Variants in RBL2 observed in about 807,000 individuals in gnomAD.
The protein encoded by RBL2 is retinoblastoma-like protein 2.
A neutral mutation model predicts 126.0 loss-of-function variants in RBL2; 56 were observed. That is an observed-to-expected ratio of 0.44 (90% CI 0.36 to 0.56). The LOEUF is 0.56. RBL2 is among the 20% of genes least tolerant of loss of function. RBL2 has a pLI of 0.00. For missense variants in RBL2, 1,229 were observed against 1,398.2 expected, an observed-to-expected ratio of 0.88 and a Z score of 1.93; for synonymous variants, 454 against 478.5, an observed-to-expected ratio of 0.95 and a Z score of 0.67.
At chr16:53,456,848 C>T (rs1344959046) in intron 8 of RBL2, among the ~76,000 whole-genome samples, 7 of 152,316 alleles carry the variant, frequency 4.6e-5, no homozygotes, top group Admixed American at 2.0e-4. Context: ...CTCCCCAACC[C>T]TCAGGACTTC....
At chr16:53,487,039 T>G (rs1406971952) in intron 21 of RBL2, among the ~76,000 whole-genome samples, 1 of 152,152 alleles carries the variant, frequency 6.6e-6, no homozygotes, top group African/African-American at 2.4e-5. Context: ...TGAGAGAAAT[T>G]AAAGCCTGAG....
Position 53,453,491 on chromosome 16 carries a change from C to T in RBL2, c.806C>T (p.Ser269Phe), listed in dbSNP as rs1187534313. 6.2e-7 allele frequency: 1 copy of T among 1,613,338 alleles called. No individual in the cohort carries two copies. Among genetic ancestry groups the T allele is most frequent in the African/African-American group, 1.3e-5 (1 of 74,998 alleles). The change falls in exon 6 of 22, where the codon TCC becomes TTC. Residue 269 changes from serine to phenylalanine, a missense_variant. By Grantham distance (155) the Ser-to-Phe change is radical. Transcript: ENST00000262133. ...EDFHAKDSKP[S>F]SDPPCIIEKL... ...TTTCATGCTAAAGATTCTAAACCTTCCTCTGACCCCCCTTGTATCATTGAG... is the reference window on the plus strand; with the variant it reads ...TTTCATGCTAAAGATTCTAAACCTTTCTCTGACCCCCCTTGTATCATTGAG...
intron 21 of RBL2, among the ~76,000 whole-genome samples, chr16:53,486,443 C>G (rs749247020): frequency 7.2e-5 from 11 of 152,182 alleles, no homozygotes; most frequent in Non-Finnish European, 1.3e-4. Flanking sequence ...AACCTCCTGT[C>G]AGAGAAAACT....
At chr16:53,465,799 C>CCT (rs1186551420) in intron 13 of RBL2, 197 bp downstream of exon 13, 4 of 420,068 alleles carry the variant, frequency 9.5e-6, no homozygotes, top group Non-Finnish European at 1.7e-5. Context: ...ATGACTCAGA[C>CCT]AAGTCCAGCT....
Position 53,491,258 on chromosome 16 carries a change from G to GTGA in RBL2, c.*960_*962dup, listed in dbSNP as rs946099053. 3 of 152,040 alleles carry GTGA rather than the reference G, an allele frequency of 2.0e-5. No homozygotes were observed. Among genetic ancestry groups the GTGA allele is most frequent in the African/African-American group, 7.2e-5 (3 of 41,404 alleles). The allele number at this position is 152,040 out of a possible 1,614,324, so 9.4% of individuals were successfully genotyped here. ...TTATCTAAAAGAAATGTCTATTAAG[G>GTGA]TGATATATTTAAAAATATTTTTGGG... On this transcript the variant is annotated 3_prime_UTR_variant, in exon 22 of 22. Transcript: ENST00000262133.
At chr16:53,464,592 A>C (rs1042000200) in intron 12 of RBL2, 57 of 343,770 alleles carry the variant, frequency 1.7e-4, no homozygotes, top group Admixed American at 7.7e-4. Context: ...CTCTCTATCT[A>C]ATAAAAGTTT....
Position 53,454,705 on chromosome 16 carries a change from T to G in RBL2, c.1042T>G (p.Leu348Val). ...GGAGTATGTTTTATCTGTTGGGAAT[T>G]TAGATGAGCGGATATTTCTTGGAGA... is the stretch of plus-strand genomic sequence containing the variant. ...YEEYVLSVGN[L>V]DERIFLGEDA... Residue 348 changes from leucine to valine, a missense_variant, in exon 8 of 22, where the codon TTA becomes GTA. Coordinates refer to ENST00000262133, the MANE Select transcript of RBL2 (RefSeq NM_005611.4). The G allele has an allele frequency of 6.8e-6, 11 of 1,614,086 alleles. No homozygotes were observed. Among genetic ancestry groups the G allele is most frequent in the Non-Finnish European group, 9.3e-6 (11 of 1,179,942 alleles).
rs1277036840 is a variant in RBL2 at position 53,490,547 on chromosome 16, T to A, written c.*247T>A. 8.6e-6 allele frequency: 3 copies of A among 350,264 alleles called. No homozygotes were observed. The highest frequency in any genetic ancestry group is 6.3e-5 in the African/African-American group (3 of 47,602). The allele number at this position is 350,264 out of a possible 1,614,324, so 21.7% of individuals were successfully genotyped here. A position where few individuals can be genotyped will look rare whatever the true frequency, so the allele number is the denominator to read the frequency against. On this transcript the variant is annotated 3_prime_UTR_variant, in exon 22 of 22. Transcript: ENST00000262133. ...TGTCAAGGCTGCTTAGAATCCAAAC[T>A]TGGATTTTTGACTCTGGCAAAGCTT...
chr16:53,450,886 T>G (rs2058108555), intron 4 of RBL2, among the ~76,000 whole-genome samples: 1 of 151,976 alleles, frequency 6.6e-6, no homozygotes, highest in African/African-American at 2.4e-5. Context: ...GAGCTTGCAG[T>G]GAGCTGAGAT....
intron 21 of RBL2, among the ~76,000 whole-genome samples, chr16:53,482,369 G>T (rs1194876795): frequency 6.6e-6 from 1 of 152,214 alleles, no homozygotes; most frequent in African/African-American, 2.4e-5. Context: ...AGGTATGGAA[G>T]GGCACTCAGC....
intron 3 of RBL2, among the ~76,000 whole-genome samples, chr16:53,446,111 A>C (rs1163317980): frequency 6.6e-6 from 1 of 152,198 alleles, no homozygotes; most frequent in African/African-American, 2.4e-5. Context: ...CAAGTTGTAG[A>C]GCCAGAATTA....
chr16:53,451,287 C>G (rs2058112225), intron 4 of RBL2, among the ~76,000 whole-genome samples: 1 of 152,160 alleles, frequency 6.6e-6, no homozygotes, highest in South Asian at 2.1e-4. Context: ...AGAAGGATCA[C>G]TTGAGTCCAG....
chr16:53,439,147 G>A lies in RBL2; in HGVS notation c.371+1G>A. On this transcript the variant is annotated splice_donor_variant, in intron 2 of 21. Coordinates refer to ENST00000262133, the MANE Select transcript of RBL2 (RefSeq NM_005611.4). LOFTEE classifies it high-confidence loss of function. The stretch of plus-strand genomic sequence containing the variant: ...GAATCCTGAAATGTTCAGAGCAGAG[G>A]TAACTATGTTAGAGTTTGACAAGTA... 6.3e-7 allele frequency: 1 copy of A among 1,586,264 alleles called. No homozygotes were observed. Among genetic ancestry groups the A allele is most frequent in the Admixed American group, 1.8e-5 (1 of 54,692 alleles).
At chr16:53,438,883 G>C (rs1045345165) in intron 1 of RBL2, 133 bp from the exon 2 acceptor site, 2 of 272,576 alleles carry the variant, frequency 7.3e-6, no homozygotes, top group Non-Finnish European at 1.3e-5. Flanking sequence ...GAGCGTATGA[G>C]ATAGGGTCAT....
intron 7 of RBL2, 42 bp downstream of exon 7, chr16:53,453,811 A>T (rs1348935188): frequency 6.9e-7 from 1 of 1,458,118 alleles, no homozygotes; most frequent in African/African-American, 1.4e-5. Flanking sequence ...TTTAAATTGT[A>T]TACTTAGGAA....
intron 2 of RBL2, among the ~76,000 whole-genome samples, chr16:53,441,305 CACA>C (rs2058013661): frequency 1.3e-5 from 2 of 152,052 alleles, no homozygotes; most frequent in South Asian, 4.2e-4. Context: ...TCAAAATTGA[CACA>C]ACTACTTTAC....
chr16:53,435,712 G>T (rs1242586712), intron 1 of RBL2: 5 of 1,288,954 alleles, frequency 3.9e-6, no homozygotes, highest in Non-Finnish European at 5.1e-6. Context: ...AAAGAGTCGG[G>T]CAAATAGGTC....
chr16:53,485,504 G>A (rs1188157788), intron 21 of RBL2, among the ~76,000 whole-genome samples: 3 of 152,086 alleles, frequency 2.0e-5, no homozygotes, highest in Non-Finnish European at 2.9e-5. Context: ...AAAAAGTGTA[G>A]GACTCACTGA....
At chr16:53,480,058 A>T in intron 19 of RBL2, 67 bp downstream of exon 19, 1 of 1,008,518 alleles carries the variant, frequency 9.9e-7, no homozygotes, top group Non-Finnish European at 1.5e-6. Context: ...GGCCTTGAAG[A>T]AGTAACTAAG....
Sources: gnomAD v4.1 joint callset for allele counts (sites outside exome capture counted in the v4.1 genomes callset) on GRCh38, gnomAD v4.1.1 for gene constraint, MANE v1.5 for transcripts, NCBI Gene and HGNC (gene_info 2026-07-23, HGNC 2026-07-21) for gene names.